PCDHGA1: variants seen among roughly 807,000 people sequenced by gnomAD.
The protein encoded by PCDHGA1 is protocadherin gamma-A1.
A neutral mutation model predicts 58.0 loss-of-function variants in PCDHGA1; 32 were observed. That is an observed-to-expected ratio of 0.55 (90% CI 0.42 to 0.74). The LOEUF is 0.74. PCDHGA1 is among the 30% of genes least tolerant of loss of function. The pLI is 0.00. For synonymous variants in PCDHGA1, 498 were observed against 501.1 expected, an observed-to-expected ratio of 0.99 and a Z score of 0.08; for missense variants, 1,205 against 1,182.3, an observed-to-expected ratio of 1.02 and a Z score of -0.28.
intron 1 of PCDHGA1, among the ~76,000 whole-genome samples, chr5:141,472,113 A>G (rs1296591849): frequency 1.3e-5 from 2 of 152,260 alleles, no homozygotes; most frequent in East Asian, 3.8e-4. Flanking sequence ...ATACATAAAG[A>G]AAATAAAAGA....
chr5:141,418,821 C>G (rs750200042), intron 1 of PCDHGA1: 1 of 1,613,846 alleles, frequency 6.2e-7, no homozygotes, highest in Non-Finnish European at 8.5e-7. Flanking sequence ...AACATAGAAG[C>G]AAAAGACCGA....
At chr5:141,356,734 G>A (rs781480636) in intron 1 of PCDHGA1, 1 of 1,613,990 alleles carries the variant, frequency 6.2e-7, no homozygotes. Flanking sequence ...CTCCAATACA[G>A]GGATCCTATA....
intron 1 of PCDHGA1, chr5:141,422,614 C>T (rs1207238896): frequency 6.2e-7 from 1 of 1,613,812 alleles, no homozygotes; most frequent in South Asian, 1.1e-5. Flanking sequence ...TGCCTACATT[C>T]CCGAAAACAA....
chr5:141,355,885 C>T, intron 1 of PCDHGA1: 1 of 1,613,374 alleles, frequency 6.2e-7, no homozygotes, highest in Non-Finnish European at 8.5e-7. Flanking sequence ...TGCCAGGATT[C>T]TCATAATACT....
intron 1 of PCDHGA1, chr5:141,393,531 C>G (rs997965420): frequency 6.2e-7 from 1 of 1,614,008 alleles, no homozygotes; most frequent in Non-Finnish European, 8.5e-7. Context: ...TGACAATGCC[C>G]CGGTTTTTCC....
intron 1 of PCDHGA1, chr5:141,370,851 G>T (rs903944197): frequency 6.2e-7 from 1 of 1,614,018 alleles, no homozygotes; most frequent in Non-Finnish European, 8.5e-7. Flanking sequence ...AGCCACATTT[G>T]CCCTGGAATC....
At chr5:141,455,899 ATTTATTT>A (rs1441561749) in intron 1 of PCDHGA1, among the ~76,000 whole-genome samples, 5 of 148,258 alleles carry the variant, frequency 3.4e-5, no homozygotes, top group African/African-American at 1.2e-4. Context: ...TTATTTATTT[ATTTATTT>A]ATTTATTTTG....
At chr5:141,341,271 A>C in intron 1 of PCDHGA1, 1 of 1,614,168 alleles carries the variant, frequency 6.2e-7, no homozygotes. Context: ...CGGAAGAGCC[A>C]CCTGATTTTC....
chr5:141,399,559 G>C, intron 1 of PCDHGA1: 1 of 1,614,038 alleles, frequency 6.2e-7, no homozygotes, highest in Non-Finnish European at 8.5e-7. Context: ...CCTGGACTTG[G>C]GGTTGAACGG....
intron 1 of PCDHGA1, chr5:141,393,180 A>G: frequency 6.2e-7 from 1 of 1,613,356 alleles, no homozygotes; most frequent in South Asian, 1.1e-5. Context: ...AGAAATAGAA[A>G]TAATTGATAT....
intron 2 of PCDHGA1, among the ~76,000 whole-genome samples, chr5:141,495,601 G>C (rs1315613802): frequency 6.6e-6 from 1 of 152,004 alleles, no homozygotes; most frequent in Non-Finnish European, 1.5e-5. Context: ...CTTAGCTTCC[G>C]TCTTGATTGC....
At chr5:141,380,735 C>G (rs973708229) in intron 1 of PCDHGA1, among the ~76,000 whole-genome samples, 6 of 152,066 alleles carry the variant, frequency 3.9e-5, no homozygotes, top group Admixed American at 3.3e-4. Flanking sequence ...TTCCTTTTCT[C>G]CAAAGAAGGT....
intron 1 of PCDHGA1, chr5:141,366,469 G>A (rs575828819): frequency 6.2e-7 from 1 of 1,614,256 alleles, no homozygotes. Context: ...TGCTGCTGGT[G>A]CTCAGACTGA....
At position 141,477,197 on chromosome 5, in the gene PCDHGA1, G is replaced by A. The variant is rs781504885; in HGVS notation, c.2422-17610G>A. ...CACAGTCACCTCCGTGTACAGCCCA[G>A]TACCCGAGGATGCCCCTCTGGGGAC... On this transcript the variant is annotated intron_variant, in intron 1 of 3. Coordinates refer to ENST00000517417, the MANE Select transcript of PCDHGA1 (RefSeq NM_018912.3). The surrounding 1 kb of genome is among the most constrained non-coding windows in gnomAD (Gnocchi z 4.9). 1 of 1,614,210 alleles carries A rather than the reference G, an allele frequency of 6.2e-7. No homozygotes were observed. Among genetic ancestry groups the A allele is most frequent in the East Asian group, 2.2e-5 (1 of 44,874 alleles).
At chr5:141,430,252 A>C (rs1292590200) in intron 1 of PCDHGA1, among the ~76,000 whole-genome samples, 1 of 102,244 alleles carries the variant, frequency 9.8e-6, no homozygotes, top group Admixed American at 1.0e-4. Context: ...CTAGGGAGAC[A>C]TCTCCATAAT....
intron 1 of PCDHGA1, chr5:141,418,934 G>T (rs1163951447): frequency 6.2e-7 from 1 of 1,614,056 alleles, no homozygotes; most frequent in African/African-American, 1.3e-5. Context: ...GATTATGGAG[G>T]ATTCCCCTCC....
chr5:141,410,665 G>A, intron 1 of PCDHGA1: 1 of 1,569,394 alleles, frequency 6.4e-7, no homozygotes, highest in Non-Finnish European at 8.6e-7. Context: ...TAGTCTACTA[G>A]TTTCTCATAT....
intron 1 of PCDHGA1, chr5:141,341,565 A>C: frequency 7.8e-7 from 1 of 1,288,850 alleles, no homozygotes; most frequent in Non-Finnish European, 1.0e-6. Flanking sequence ...ACAGGCTGTA[A>C]GAGGAAGAAG....
Position 141,383,049 on chromosome 5 carries a change from G to C in PCDHGA1, c.2421+49944G>C, listed in dbSNP as rs779106714. 2.0e-5 allele frequency: 32 copies of C among 1,613,788 alleles called. No homozygotes were observed. Among genetic ancestry groups the C allele is most frequent in the Non-Finnish European group, 2.7e-5 (32 of 1,179,922 alleles). ...GGTCCTTTGTGGGAGACATCGCCAAGGACCTGGGGCTGGAGCCCCGGGAGC... is the reference window on the plus strand; with the variant it reads ...GGTCCTTTGTGGGAGACATCGCCAACGACCTGGGGCTGGAGCCCCGGGAGC... On this transcript the variant is annotated intron_variant, in intron 1 of 3. Coordinates refer to ENST00000517417, the MANE Select transcript of PCDHGA1 (RefSeq NM_018912.3).
Sources: allele counts gnomAD v4.1 joint callset (sites outside exome capture counted in the v4.1 genomes callset), GRCh38; gene constraint gnomAD v4.1.1; non-coding constraint Gnocchi (gnomAD v3.1); transcripts MANE v1.5; gene names NCBI Gene and HGNC (gene_info 2026-07-23, HGNC 2026-07-21).